Variants in STX12 observed in about 807,000 individuals in gnomAD.
STX12 encodes syntaxin-12.
STX12 carries 17 observed loss-of-function variants against 42.2 expected under a neutral mutation model. The ratio of observed to expected loss-of-function variants is 0.40; its 90% CI spans 0.28 to 0.60. The LOEUF is 0.60. STX12 is among the 20% of genes least tolerant of loss of function. STX12 has a pLI of 0.39. For synonymous variants in STX12, 108 were observed against 116.7 expected, an observed-to-expected ratio of 0.93 and a Z score of 0.48; for missense variants, 297 against 330.9, an observed-to-expected ratio of 0.90 and a Z score of 0.79.
rs200386519 is a variant in STX12 at position 27,793,591 on chromosome 1, G to C, written c.247G>C (p.Glu83Gln). The change falls in exon 3 of 9, where the codon GAA becomes CAA. Residue 83 changes from glutamate (E) to glutamine (Q), a missense_variant. Glu to Gln is a conservative substitution (Grantham distance 29). Transcript: ENST00000373943. ...LAKETNELLK[E>Q]LGSLPLPLST... Reference sequence around the variant, plus strand: ...CAAGGAAACAAATGAATTGCTGAAAGAATTAGGGTCCTTGCCCCTTCCCTT... The same window carrying C: ...CAAGGAAACAAATGAATTGCTGAAACAATTAGGGTCCTTGCCCCTTCCCTT... 1.5e-4 allele frequency: 235 copies of C among 1,613,988 alleles called. No homozygotes were observed. Among genetic ancestry groups the C allele is most frequent in the Middle Eastern group, 9.9e-4 (6 of 6,084 alleles).
rs115396662 is a variant in STX12 at position 27,794,494 on chromosome 1, C to T, written c.288+862C>T. Among the ~76,000 whole-genome samples, 603 of 152,232 alleles carry T rather than the reference C, an allele frequency of 4.0e-3. 2 individuals carry two copies. The highest frequency in any genetic ancestry group is 6.8e-3 in the Middle Eastern group (2 of 294). Reference sequence around the variant, plus strand: ...TTTTCAAGTCATTTTCTTCAGTGGCCATTTAAATCCTTTAGAAACACACAA... The same window carrying T: ...TTTTCAAGTCATTTTCTTCAGTGGCTATTTAAATCCTTTAGAAACACACAA... On this transcript the variant is annotated intron_variant, in intron 3 of 8. Coordinates refer to ENST00000373943, the MANE Select transcript of STX12 (RefSeq NM_177424.3).
At position 27,799,578 on chromosome 1, in the gene STX12, G is replaced by T. The variant is rs189930107; in HGVS notation, c.289-2100G>T. On this transcript the variant is annotated intron_variant, in intron 3 of 8. Transcript: ENST00000373943. Reference sequence around the variant, plus strand: ...GCTCACTGCAACCTCCACCTTCCAGGTTTAAGCAGTTCTCCTGCCTCAGCC... The same window carrying T: ...GCTCACTGCAACCTCCACCTTCCAGTTTTAAGCAGTTCTCCTGCCTCAGCC... Among the ~76,000 whole-genome samples the T allele has an allele frequency of 3.0e-4, 45 of 149,240 alleles. No individual in the cohort carries two copies. In the Middle Eastern group the frequency reaches 0.024, roughly 80 times the overall value.
At chr1:27,809,895 A>T (rs1003776308) in intron 4 of STX12, 27 of 188,398 alleles carry the variant, frequency 1.4e-4, no homozygotes, top group East Asian at 1.3e-4. Flanking sequence ...CATTTAAAAA[A>T]TTTTTACATG....
At chr1:27,810,375 A>G in intron 5 of STX12, 86 bp downstream of exon 5, 1 of 1,326,432 alleles carries the variant, frequency 7.5e-7, no homozygotes, top group Non-Finnish European at 1.1e-6. Flanking sequence ...CAATGAAAAA[A>G]TAGAGGGCAA....
chr1:27,775,402 G>A (rs1197271155), intron 1 of STX12, among the ~76,000 whole-genome samples: 1 of 152,120 alleles, frequency 6.6e-6, no homozygotes, highest in Non-Finnish European at 1.5e-5. Flanking sequence ...CCTACAAGTA[G>A]CTGGGACTAC....
At chr1:27,792,368 A>C (rs1332178835) in intron 2 of STX12, among the ~76,000 whole-genome samples, 1 of 146,402 alleles carries the variant, frequency 6.8e-6, no homozygotes, top group Non-Finnish European at 1.5e-5. Context: ...ATGTATATAT[A>C]TATCAAGCAA....
chr1:27,809,111 G>A (rs569192920), intron 4 of STX12, among the ~76,000 whole-genome samples: 13 of 152,204 alleles, frequency 8.5e-5, no homozygotes, highest in South Asian at 4.2e-4. Flanking sequence ...CGAGGCAGGC[G>A]GATCACGAGG....
rs140660565 is a variant in STX12, at chr1:27,776,177, C to T, written c.118+2752C>T. 2.0e-3 allele frequency among the ~76,000 whole-genome samples: 312 copies of T among 152,266 alleles called. 4 individuals carry two copies. The highest frequency in any genetic ancestry group is 9.4e-4 in the Non-Finnish European group (64 of 68,010). The stretch of plus-strand genomic sequence containing the variant: ...GGCCTCAGGGGATCATTTAAGTCAA[C>T]TGTTAGTAATATTAATAGCTAACAT... On this transcript the variant is annotated intron_variant, in intron 1 of 8. Transcript: ENST00000373943.
At chr1:27,798,644 C>CAAA (rs71010374) in intron 3 of STX12, among the ~76,000 whole-genome samples, 2 of 48,374 alleles carry the variant, frequency 4.1e-5, no homozygotes, top group African/African-American at 6.4e-5. Context: ...GACTCCCTCT[C>CAAA]AAAAAAAAAA....
At chr1:27,820,797 G>A (rs1002625506) in intron 8 of STX12, among the ~76,000 whole-genome samples, 2 of 151,936 alleles carry the variant, frequency 1.3e-5, no homozygotes, top group African/African-American at 4.8e-5. Flanking sequence ...GTGATAGACT[G>A]GATTAAGAAA....
rs1020611508 is a variant in STX12 at position 27,793,940 on chromosome 1, C to T, written c.288+308C>T. On this transcript the variant is annotated intron_variant, in intron 3 of 8. Transcript: ENST00000373943. Reference sequence around the variant, plus strand: ...TGAAGAGAAATCTCAACATTTGCATCTCTTTGGGGTTTGGCTAGCAGTTTT... The same window carrying T: ...TGAAGAGAAATCTCAACATTTGCATTTCTTTGGGGTTTGGCTAGCAGTTTT... Among the ~76,000 whole-genome samples, 7 of 150,952 alleles carry T rather than the reference C, an allele frequency of 4.6e-5. 1 individual carries two copies. Among genetic ancestry groups the T allele is most frequent in the African/African-American group, 1.7e-4 (7 of 41,014 alleles).
chr1:27,819,903 T>G, intron 8 of STX12, 171 bp downstream of exon 8: 1 of 541,968 alleles, frequency 1.8e-6, no homozygotes. Flanking sequence ...CAGATAGATC[T>G]ACAAAAAATA....
At chr1:27,790,049 C>T (rs1450846842) in intron 2 of STX12, among the ~76,000 whole-genome samples, 1 of 151,958 alleles carries the variant, frequency 6.6e-6, no homozygotes, top group African/African-American at 2.4e-5. Flanking sequence ...TTCAACCAAC[C>T]ACAGATAGAA....
At chr1:27,781,543 G>A (rs1397752789) in intron 1 of STX12, among the ~76,000 whole-genome samples, 1 of 152,114 alleles carries the variant, frequency 6.6e-6, no homozygotes, top group Non-Finnish European at 1.5e-5. Context: ...TCATAGGGTT[G>A]TGATGATTAA....
Position 27,810,283 on chromosome 1 carries a change from T to C in STX12, c.464T>C (p.Phe155Ser), listed in dbSNP as rs779559361. ...ERQREEQLVS[F>S]DSHEEWNQMQ... ...CAAAGAGAGGAGCAGCTGGTCTCAT[T>C]TGACAGGTAATAGAATTATTCATAC... Residue 155 changes from phenylalanine (F) to serine (S), a missense_variant, in exon 5 of 9, where the codon TTT (phenylalanine) becomes TCT (serine). Transcript: ENST00000373943. 4 of 1,613,280 alleles carry C rather than the reference T, an allele frequency of 2.5e-6. No individual in the cohort carries two copies. The South Asian group carries it at 4.4e-5, about 18-fold the overall frequency.
chr1:27,776,833 G>GA (rs2088631369), intron 1 of STX12, among the ~76,000 whole-genome samples: 1 of 152,174 alleles, frequency 6.6e-6, no homozygotes, highest in Non-Finnish European at 1.5e-5. Flanking sequence ...CTCTGTGGGG[G>GA]AAATACCTGA....
chr1:27,774,634 C>T (rs1028839028), intron 1 of STX12, among the ~76,000 whole-genome samples: 2 of 152,094 alleles, frequency 1.3e-5, no homozygotes, highest in Non-Finnish European at 1.5e-5. Flanking sequence ...GCTGGGATTA[C>T]AGGCGTGAGC....
chr1:27,819,681 G>C lies in STX12; in HGVS notation c.681G>C (p.Glu227Asp). The C allele has an allele frequency of 6.2e-7, 1 of 1,613,940 alleles. No homozygotes were observed. The highest frequency in any genetic ancestry group is 8.5e-7 in the Non-Finnish European group (1 of 1,179,892). ...DSIEANVESS[E>D]VHVERATEQL... ...TAGAAGCCAATGTGGAAAGCTCAGAGGTGCACGTCGAAAGAGCCACTGAAC... is the reference window on the plus strand; with the variant it reads ...TAGAAGCCAATGTGGAAAGCTCAGACGTGCACGTCGAAAGAGCCACTGAAC... Residue 227 changes from glutamate to aspartate, a missense_variant, in exon 8 of 9, where the codon GAG becomes GAC. Transcript: ENST00000373943.
chr1:27,784,891 C>T (rs1393577466), intron 1 of STX12, among the ~76,000 whole-genome samples: 1 of 152,046 alleles, frequency 6.6e-6, no homozygotes, highest in African/African-American at 2.4e-5. Flanking sequence ...CTATAATATT[C>T]CCAACACCCC....
Sources: allele counts gnomAD v4.1 joint callset (sites outside exome capture counted in the v4.1 genomes callset), GRCh38; gene constraint gnomAD v4.1.1; transcripts MANE v1.5; gene names NCBI Gene and HGNC (gene_info 2026-07-23, HGNC 2026-07-21).